The following PTGER4 variants were observed in gnomAD, a reference collection of about 807,000 sequenced individuals.
PTGER4 encodes prostaglandin E2 receptor EP4 subtype.
A neutral mutation model predicts 33.2 loss-of-function variants in PTGER4; 11 were observed. The observed-to-expected ratio is 0.33, with a 90% CI of 0.21 to 0.55. PTGER4 has a LOEUF of 0.55. Ranked by LOEUF, PTGER4 falls within the 20% of genes least tolerant of loss-of-function variation. PTGER4 has a pLI of 0.92. For missense variants in PTGER4, 481 were observed against 650.2 expected, an observed-to-expected ratio of 0.74 and a Z score of 2.83; for synonymous variants, 275 against 281.5, an observed-to-expected ratio of 0.98 and a Z score of 0.23.
At chr5:40,714,630 T>C in the PTGER4 span, 1 of 152,204 alleles carries the variant, frequency 6.6e-6, no homozygotes, top group African/African-American at 2.4e-5. Context: ...ACATATTTTT[T>C]GGAGCACTCT....
At chr5:40,723,643 T>C in the PTGER4 span, among the ~76,000 whole-genome samples, 1 of 152,014 alleles carries the variant, frequency 6.6e-6, no homozygotes, top group African/African-American at 2.4e-5. Context: ...GGTGGGCGGA[T>C]CACCTGAGAC....
chr5:40,706,809 T>C, the PTGER4 span, among the ~76,000 whole-genome samples: 7 of 152,066 alleles, frequency 4.6e-5, no homozygotes, highest in Non-Finnish European at 7.4e-5. Flanking sequence ...AAGAAAAGCC[T>C]ATCAGACTCA....
the PTGER4 span, among the ~76,000 whole-genome samples, chr5:40,720,554 C>A: frequency 6.6e-6 from 1 of 152,188 alleles, no homozygotes; most frequent in African/African-American, 2.4e-5. Flanking sequence ...CCCAAGGGCA[C>A]TCCTCTTCAA....
chr5:40,722,674 C>G, the PTGER4 span, among the ~76,000 whole-genome samples: 1 of 151,950 alleles, frequency 6.6e-6, no homozygotes, highest in East Asian at 2.0e-4. Context: ...GCCCCACAGC[C>G]GCCCAGTCTG....
chr5:40,744,487 G>GTTT, the PTGER4 span, among the ~76,000 whole-genome samples: 1,475 of 136,366 alleles, frequency 0.011, 22 homozygotes, highest in Middle Eastern at 0.028. Context: ...ACTCTTACCA[G>GTTT]TTTTTTTTTT....
chr5:40,738,567 T>TATAAAATAAA, the PTGER4 span, among the ~76,000 whole-genome samples: 51 of 67,594 alleles, frequency 7.5e-4, no homozygotes, highest in Admixed American at 1.3e-3. Context: ...TAAAATAAAA[T>TATAAAATAAA]ATAAAATAAA....
chr5:40,728,336 C>G, the PTGER4 span: 1 of 1,401,700 alleles, frequency 7.1e-7, no homozygotes, highest in Non-Finnish European at 9.6e-7. Context: ...AATAATCTGA[C>G]TTCCTCACCA....
intron 2 of PTGER4, among the ~76,000 whole-genome samples, chr5:40,684,373 G>A (rs116097412): frequency 0.016 from 2,438 of 152,086 alleles, 62 homozygotes; most frequent in African/African-American, 0.055. Flanking sequence ...AAATCAAAGC[G>A]TTGGAATCAT....
At chr5:40,723,447 T>A in the PTGER4 span, among the ~76,000 whole-genome samples, 21 of 147,942 alleles carry the variant, frequency 1.4e-4, no homozygotes, top group African/African-American at 4.3e-4. Context: ...TAAAAAAATT[T>A]AAAAAAATTT....
At chr5:40,723,292 A>G in the PTGER4 span, among the ~76,000 whole-genome samples, 2 of 152,142 alleles carry the variant, frequency 1.3e-5, no homozygotes, top group Non-Finnish European at 2.9e-5. Flanking sequence ...GGACACAAAC[A>G]CTGTGGAAGG....
chr5:40,681,628 G>A lies in PTGER4; in HGVS notation c.635G>A (p.Arg212His), dbSNP rs774152814. ...CNVLVCGALL[R>H]MHRQFMRRTS... is the part of the protein sequence containing the mutation. ...GTGCTTGTGTGCGGCGCGCTGCTCC[G>A]CATGCACCGCCAGTTCATGCGCCGC... Residue 212 changes from arginine (R) to histidine (H), a missense_variant, in exon 2 of 3, where the codon CGC becomes CAC. Arg to His is a conservative substitution (Grantham distance 29). Coordinates refer to ENST00000302472, the MANE Select transcript of PTGER4 (RefSeq NM_000958.3). The surrounding 1 kb of genome is among the most constrained non-coding windows in gnomAD (Gnocchi z 9.8). 17 of 1,603,568 alleles carry A rather than the reference G, an allele frequency of 1.1e-5. No homozygotes were observed. In the South Asian group the frequency reaches 1.9e-4, roughly 18 times the overall value.
chr5:40,692,639 G>A lies in PTGER4; in HGVS notation c.*261G>A, dbSNP rs146243980. 302 of 1,184,592 alleles carry A rather than the reference G, an allele frequency of 2.5e-4. No homozygotes were observed. The highest frequency in any genetic ancestry group is 2.4e-3 in the Middle Eastern group (7 of 2,908). The allele number at this position is 1,184,592 out of a possible 1,614,324, so 73.4% of individuals were successfully genotyped here. ...TGATGGCTGCGAAGACCTACCCTCC[G>A]TTTTTCTACTAGATAGGAGGATGGT... On this transcript the variant is annotated 3_prime_UTR_variant, in exon 3 of 3. Coordinates refer to ENST00000302472, the MANE Select transcript of PTGER4 (RefSeq NM_000958.3).
chr5:40,733,741 C>G, the PTGER4 span, among the ~76,000 whole-genome samples: 4 of 152,196 alleles, frequency 2.6e-5, no homozygotes, highest in Admixed American at 1.3e-4. Context: ...CTGCTGAGAA[C>G]AGGATGGCTT....
At position 40,692,193 on chromosome 5, in the gene PTGER4, A is replaced by G; in HGVS notation, c.1282A>G (p.Thr428Ala). 1 of 1,614,220 alleles carries G rather than the reference A, an allele frequency of 6.2e-7. No individual in the cohort carries two copies. Among genetic ancestry groups the G allele is most frequent in the East Asian group, 2.2e-5 (1 of 44,874 alleles). ...TGGCATGGGCCTGGCCCAGGAAGAC[A>G]CCACCTCACTGAGGACTTTGCGAAT... ...VPGMGLAQED[T>A]TSLRTLRISE... Residue 428 changes from threonine (T) to alanine (A), a missense_variant, in exon 3 of 3, where the codon ACC becomes GCC. Transcript: ENST00000302472.
At chr5:40,685,577 A>G (rs1479420106) in intron 2 of PTGER4, 8 of 385,664 alleles carry the variant, frequency 2.1e-5, no homozygotes, top group Non-Finnish European at 2.8e-5. Flanking sequence ...GTTTTAAATC[A>G]TAACATGCAA....
the PTGER4 span, among the ~76,000 whole-genome samples, chr5:40,729,366 C>A: frequency 2.6e-5 from 4 of 152,070 alleles, no homozygotes; most frequent in African/African-American, 9.7e-5. Context: ...CAATTCCCTG[C>A]CAAAAATATG....
At chr5:40,685,179 C>T (rs1266701587) in intron 2 of PTGER4, among the ~76,000 whole-genome samples, 1 of 152,166 alleles carries the variant, frequency 6.6e-6, no homozygotes, top group East Asian at 1.9e-4. Flanking sequence ...AACAAATACT[C>T]ATCTCAGCTA....
At chr5:40,686,030 A>T (rs1446415675) in intron 2 of PTGER4, among the ~76,000 whole-genome samples, 4 of 152,216 alleles carry the variant, frequency 2.6e-5, no homozygotes, top group African/African-American at 9.6e-5. Flanking sequence ...TGGCCAGAAG[A>T]AGAACCAAGC....
At chr5:40,731,072 T>C in the PTGER4 span, among the ~76,000 whole-genome samples, 53,078 of 152,066 alleles carry the variant, frequency 0.35, 10,200 homozygotes, top group Admixed American at 0.45. Context: ...CTCTAAACAA[T>C]ATTTCCAAAT....
Sources: gnomAD v4.1 joint callset for allele counts (sites outside exome capture counted in the v4.1 genomes callset) on GRCh38, gnomAD v4.1.1 for gene constraint, Gnocchi (gnomAD v3.1) non-coding constraint, MANE v1.5 for transcripts, NCBI Gene and HGNC (gene_info 2026-07-23, HGNC 2026-07-21) for gene names.